Variants in ZBTB7C observed in about 807,000 individuals in gnomAD.
ZBTB7C encodes zinc finger and BTB domain-containing protein 7C.
Under a neutral mutation model 25.7 loss-of-function variants are expected in ZBTB7C, and 8 were observed. That is an observed-to-expected ratio of 0.31 (90% CI 0.18 to 0.56). The LOEUF (loss-of-function observed/expected upper bound fraction) is 0.56. Among genes scored for constraint, ZBTB7C ranks in the 20% least tolerant of loss-of-function variants. The pLI is 0.91. For synonymous variants in ZBTB7C, 394 were observed against 369.0 expected (o/e 1.07, Z -0.78); for missense variants, 824 against 855.2 (o/e 0.96, Z 0.46).
At chr18:48,306,814 C>T (rs1260645950) in intron 2 of ZBTB7C, among the ~76,000 whole-genome samples, 1 of 152,172 alleles carries the variant, frequency 6.6e-6, no homozygotes, top group African/African-American at 2.4e-5. Flanking sequence ...AAAGCAGGTT[C>T]TTTAAAGCCT....
chr18:48,373,834 G>A (rs569890636), intron 1 of ZBTB7C, among the ~76,000 whole-genome samples: 3 of 152,108 alleles, frequency 2.0e-5, no homozygotes, highest in Non-Finnish European at 4.4e-5. Context: ...GGTGGCGGGG[G>A]CCTGTAGTCC....
intron 3 of ZBTB7C, among the ~76,000 whole-genome samples, chr18:48,106,488 A>G (rs949368962): frequency 6.6e-6 from 1 of 152,216 alleles, no homozygotes; most frequent in Non-Finnish European, 1.5e-5. Context: ...TACAAGCAAA[A>G]AAACAAAAAC....
At chr18:48,294,384 GT>G (rs55706235) in intron 2 of ZBTB7C, among the ~76,000 whole-genome samples, 17,848 of 150,986 alleles carry the variant, frequency 0.12, 1,327 homozygotes, top group Non-Finnish European at 0.17. Flanking sequence ...TCCTAGGTGA[GT>G]TTTTTTCTGT....
chr18:48,194,282 G>C (rs965090713), intron 2 of ZBTB7C, among the ~76,000 whole-genome samples: 1 of 152,246 alleles, frequency 6.6e-6, no homozygotes, highest in Non-Finnish European at 1.5e-5. Flanking sequence ...ACAGCCAGGG[G>C]AGGAGGGATC....
chr18:48,174,059 T>C (rs2041588560), intron 3 of ZBTB7C, among the ~76,000 whole-genome samples: 1 of 152,224 alleles, frequency 6.6e-6, no homozygotes, highest in Non-Finnish European at 1.5e-5. Flanking sequence ...AAATTACGTT[T>C]CCACATGGGT....
intron 3 of ZBTB7C, chr18:48,150,832 A>C (rs1484123544): frequency 6.6e-6 from 1 of 152,216 alleles, no homozygotes; most frequent in African/African-American, 2.4e-5. Context: ...GATGAAAAGA[A>C]GGGGTGCAAC....
chr18:48,047,337 CCACA>C (rs61078960), intron 3 of ZBTB7C, among the ~76,000 whole-genome samples: 1 of 150,238 alleles, frequency 6.7e-6, no homozygotes, highest in South Asian at 2.1e-4. Flanking sequence ...GAAAAAAATT[CCACA>C]CACACACACA....
chr18:48,386,030 T>C (rs2047739908), intron 1 of ZBTB7C, among the ~76,000 whole-genome samples: 5 of 152,200 alleles, frequency 3.3e-5, no homozygotes, highest in Admixed American at 3.3e-4. Context: ...AATCTCCACC[T>C]TTTCTGGTTC....
chr18:48,225,660 CTG>C (rs1358926235), intron 2 of ZBTB7C, among the ~76,000 whole-genome samples: 1 of 152,154 alleles, frequency 6.6e-6, no homozygotes, highest in Non-Finnish European at 1.5e-5. Context: ...GGAAGTGACT[CTG>C]TAATTTCTGG....
chr18:48,085,900 C>T (rs1289881098), intron 3 of ZBTB7C, among the ~76,000 whole-genome samples: 3 of 152,146 alleles, frequency 2.0e-5, no homozygotes, highest in Non-Finnish European at 2.9e-5. Context: ...CTCTGAGGGG[C>T]TCTGGTTCCT....
chr18:48,285,999 CAT>C lies in ZBTB7C; in HGVS notation c.-79+52173_-79+52174del, dbSNP rs549852580. ...GCTTCCCAAACACAGGAAACCCACA[CAT>C]GAGCTCCCTTCCCCTTGAGGGATTT... On this transcript the variant is annotated intron_variant, in intron 2 of 4. Transcript: ENST00000590800. Among the ~76,000 whole-genome samples, 128 of 152,304 alleles carry C rather than the reference CAT, an allele frequency of 8.4e-4. 1 individual carries two copies. The highest frequency in any genetic ancestry group is 7.6e-4 in the Non-Finnish European group (52 of 68,022).
chr18:48,162,509 C>T, intron 3 of ZBTB7C: 1 of 422,416 alleles, frequency 2.4e-6, no homozygotes, highest in South Asian at 1.6e-5. Context: ...TCTTCCCCCA[C>T]ATTTGGGGTT....
At chr18:48,319,087 A>G (rs2046025239) in intron 2 of ZBTB7C, among the ~76,000 whole-genome samples, 1 of 149,724 alleles carries the variant, frequency 6.7e-6, no homozygotes, top group African/African-American at 2.5e-5. Flanking sequence ...ATTAACGAGT[A>G]TTCATGAACG....
In ZBTB7C at chr18:48,029,323, C is replaced by T. The variant is rs1455607577; in HGVS notation, c.1797G>A (p.Leu599=). 1.3e-6 allele frequency: 2 copies of T among 1,538,226 alleles called. No individual in the cohort carries two copies. Among genetic ancestry groups the T allele is most frequent in the Admixed American group, 1.9e-5 (1 of 51,512 alleles). ...GGCCGGCGAGCCCAGGGAGGCCGGC[C>T]AGGCCGGCGGCCCAAGGGTCGGGCA... ...FPLPDPWAAG[L]AGLPGLAGLN... The change falls in exon 5 of 5, where the codon CTG becomes CTA. Residue 599 remains leucine (L), a synonymous_variant. Coordinates refer to ENST00000590800, the MANE Select transcript of ZBTB7C (RefSeq NM_001318841.2).
At chr18:48,075,063 A>G in intron 3 of ZBTB7C, among the ~76,000 whole-genome samples, 1 of 152,210 alleles carries the variant, frequency 6.6e-6, no homozygotes, top group East Asian at 1.9e-4. Flanking sequence ...GAGGTGGCAC[A>G]AGGTACAAGG....
At chr18:48,186,668 G>A (rs1427858637) in intron 2 of ZBTB7C, among the ~76,000 whole-genome samples, 1 of 152,142 alleles carries the variant, frequency 6.6e-6, no homozygotes, top group Non-Finnish European at 1.5e-5. Flanking sequence ...TCACTGTAAA[G>A]TGTTGCAATG....
At chr18:48,274,948 C>G (rs62086477) in intron 2 of ZBTB7C, among the ~76,000 whole-genome samples, 15,828 of 152,292 alleles carry the variant, frequency 0.1, 968 homozygotes, top group African/African-American at 0.16. Flanking sequence ...AACACACACC[C>G]AGCCCTGGTC....
chr18:48,336,517 C>T (rs1050122741), intron 2 of ZBTB7C, among the ~76,000 whole-genome samples: 3 of 152,198 alleles, frequency 2.0e-5, no homozygotes, highest in African/African-American at 7.2e-5. Context: ...GAGGCCTGAC[C>T]AGGCTCCACA....
intron 1 of ZBTB7C, among the ~76,000 whole-genome samples, chr18:48,363,632 T>C (rs2047160423): frequency 6.6e-6 from 1 of 152,298 alleles, no homozygotes; most frequent in South Asian, 2.1e-4. Context: ...GATTATTTCA[T>C]TATTTGGTTA....
Sources: allele counts gnomAD v4.1 joint callset (sites outside exome capture counted in the v4.1 genomes callset), GRCh38; gene constraint gnomAD v4.1.1; transcripts MANE v1.5; gene names NCBI Gene and HGNC (gene_info 2026-07-23, HGNC 2026-07-21).